Variants in NFIA observed in about 807,000 individuals in gnomAD.
NFIA encodes nuclear factor I A.
Under a neutral mutation model 62.8 loss-of-function variants are expected in NFIA, and 8 were observed. The observed-to-expected ratio is 0.13, with a 90% CI of 0.07 to 0.23. The LOEUF is 0.23. NFIA is among the 10% of genes least tolerant of loss of function. The pLI is 1.00. For synonymous variants in NFIA, 235 were observed against 238.1 expected (o/e 0.99, Z 0.12); for missense variants, 410 against 642.1 (o/e 0.64, Z 3.91).
chr1:61,372,325 A>T (rs1663930499), intron 6 of NFIA, among the ~76,000 whole-genome samples: 1 of 152,180 alleles, frequency 6.6e-6, no homozygotes, highest in South Asian at 2.1e-4. Flanking sequence ...CAAATAAGTA[A>T]TTTTTAATAA....
chr1:61,258,417 A>G (rs1050850271), intron 2 of NFIA, among the ~76,000 whole-genome samples: 1 of 152,248 alleles, frequency 6.6e-6, no homozygotes, highest in East Asian at 1.9e-4. Context: ...ACTTTTTCAT[A>G]TTGTATTTGC....
At chr1:61,083,743 C>G (rs1646164594) in intron 1 of NFIA, among the ~76,000 whole-genome samples, 2 of 151,334 alleles carry the variant, frequency 1.3e-5, no homozygotes, top group Admixed American at 6.6e-5. Flanking sequence ...CGGCCCGGGC[C>G]GGACACGGCT....
At chr1:61,082,989 T>TGG (rs373331880) in intron 1 of NFIA, among the ~76,000 whole-genome samples, 171 bp downstream of exon 1, 693 of 29,214 alleles carry the variant, frequency 0.024, 2 homozygotes, top group Non-Finnish European at 0.043. Context: ...TGCCCGCGGG[T>TGG]GGGGGGGGGG....
chr1:61,313,276 A>G (rs1376076402), intron 3 of NFIA, among the ~76,000 whole-genome samples: 1 of 152,170 alleles, frequency 6.6e-6, no homozygotes, highest in African/African-American at 2.4e-5. Flanking sequence ...AAAAGGTTTA[A>G]TTGGCTCACT....
chr1:61,365,170 GA>G (rs1663519936), intron 6 of NFIA, among the ~76,000 whole-genome samples: 1 of 152,176 alleles, frequency 6.6e-6, no homozygotes. Flanking sequence ...CTGAGCAACA[GA>G]GTGAGACCCT....
At chr1:61,387,468 CTTTTTTT>C (rs33965994) in intron 7 of NFIA, among the ~76,000 whole-genome samples, 220 of 95,488 alleles carry the variant, frequency 2.3e-3, no homozygotes, top group African/African-American at 8.3e-3. Context: ...CAAGCACTTT[CTTTTTTT>C]TTTTTTTTTT....
At chr1:61,410,238 A>G (rs1188447528) in intron 9 of NFIA, among the ~76,000 whole-genome samples, 1 of 152,138 alleles carries the variant, frequency 6.6e-6, no homozygotes, top group Admixed American at 6.5e-5. Context: ...GTTGACTTCT[A>G]AGCTATTCAG....
intron 3 of NFIA, among the ~76,000 whole-genome samples, chr1:61,283,341 C>T (rs1004606461): frequency 1.3e-4 from 19 of 150,642 alleles, no homozygotes; most frequent in African/African-American, 4.4e-4. Flanking sequence ...GAGGCCAAGG[C>T]GGGTGGATCA....
At chr1:61,309,970 G>GT (rs1660011011) in intron 3 of NFIA, among the ~76,000 whole-genome samples, 1 of 152,188 alleles carries the variant, frequency 6.6e-6, no homozygotes. Flanking sequence ...AATAAAAGCA[G>GT]TTGCTTCTCT....
chr1:61,268,791 A>AT (rs1322073759), intron 2 of NFIA, among the ~76,000 whole-genome samples: 2 of 152,112 alleles, frequency 1.3e-5, no homozygotes, highest in African/African-American at 4.8e-5. Flanking sequence ...TGGGCTCAAG[A>AT]TTTTGCAGGT....
In NFIA at chr1:61,247,883, T is replaced by C. The variant is rs1260369476; in HGVS notation, c.560-29637T>C. Reference sequence around the variant, plus strand: ...TTAGTTTAATAAATGAGAGAATAAGTATTCTCATGAGCTCCTGTATCAAGT... The same window carrying C: ...TTAGTTTAATAAATGAGAGAATAAGCATTCTCATGAGCTCCTGTATCAAGT... On this transcript the variant is annotated intron_variant, in intron 2 of 10. Transcript: ENST00000403491. 2.6e-5 allele frequency among the ~76,000 whole-genome samples: 4 copies of C among 152,344 alleles called. No individual in the cohort carries two copies. In the East Asian group the frequency reaches 7.7e-4, roughly 29 times the overall value.
chr1:61,135,397 G>A (rs1310413920), intron 2 of NFIA, among the ~76,000 whole-genome samples: 2 of 152,114 alleles, frequency 1.3e-5, no homozygotes, highest in Admixed American at 6.5e-5. Flanking sequence ...CCTAACTGTT[G>A]ATTGTTGAAC....
chr1:61,256,227 G>T (rs779924957), intron 2 of NFIA, among the ~76,000 whole-genome samples: 19 of 152,064 alleles, frequency 1.2e-4, no homozygotes, highest in Non-Finnish European at 2.4e-4. Context: ...GAGGTCAGGA[G>T]TTCAAGACCA....
chr1:61,371,400 T>C (rs189352856), intron 6 of NFIA, among the ~76,000 whole-genome samples: 7 of 152,304 alleles, frequency 4.6e-5, no homozygotes, highest in Non-Finnish European at 8.8e-5. Context: ...TTTCTTTTTT[T>C]GATGTGCTTG....
At chr1:61,282,366 T>A (rs1658188276) in intron 3 of NFIA, among the ~76,000 whole-genome samples, 1 of 152,212 alleles carries the variant, frequency 6.6e-6, no homozygotes, top group African/African-American at 2.4e-5. Flanking sequence ...TTAAGCCTTA[T>A]TTGTTGGACT....
chr1:61,419,648 GC>G (rs1232594180), intron 9 of NFIA, among the ~76,000 whole-genome samples: 1 of 152,046 alleles, frequency 6.6e-6, no homozygotes, highest in Non-Finnish European at 1.5e-5. Context: ...ACCTCCTACT[GC>G]CCTTAGGATC....
At chr1:61,362,667 T>C (rs899303559) in intron 6 of NFIA, among the ~76,000 whole-genome samples, 3 of 152,324 alleles carry the variant, frequency 2.0e-5, no homozygotes, top group Middle Eastern at 3.4e-3. Context: ...GCTCTTATTA[T>C]CTGGGAAGAA....
intron 2 of NFIA, among the ~76,000 whole-genome samples, chr1:61,112,675 A>G (rs1372351604): frequency 2.6e-5 from 4 of 152,222 alleles, no homozygotes; most frequent in Non-Finnish European, 5.9e-5. Context: ...AATTGCCATT[A>G]GCTTCCTAGA....
chr1:61,205,902 T>C (rs1208344065), intron 2 of NFIA, among the ~76,000 whole-genome samples: 1 of 6,476 alleles, frequency 1.5e-4, no homozygotes, highest in African/African-American at 5.8e-4. Flanking sequence ...TTTGCAGCCC[T>C]TTTTTTTTTT....
Sources: allele counts gnomAD v4.1 joint callset (sites outside exome capture counted in the v4.1 genomes callset), GRCh38; gene constraint gnomAD v4.1.1; transcripts MANE v1.5; gene names NCBI Gene and HGNC (gene_info 2026-07-23, HGNC 2026-07-21).